The following C1QTNF9 variants were observed in gnomAD, a reference collection of about 807,000 sequenced individuals.
C1QTNF9 encodes the protein C1q and TNF related 9.
C1QTNF9 carries 6 observed loss-of-function variants against 10.1 expected under a neutral mutation model. The observed-to-expected ratio is 0.59, with a 90% confidence interval of 0.32 to 1.17. The LOEUF is 1.17. Among genes scored for constraint, C1QTNF9 ranks in the 50% most tolerant of loss-of-function variants. The probability of loss-of-function intolerance (pLI) is 0.04; values close to 1 mark genes in which losing one functional copy is unlikely to be tolerated. For synonymous variants in C1QTNF9, 98 were observed against 163.5 expected, an observed-to-expected ratio of 0.60 and a Z score of 3.06; for missense variants, 201 against 418.8, an observed-to-expected ratio of 0.48 and a Z score of 4.54.
upstream of C1QTNF9, among the ~76,000 whole-genome samples, chr13:24,308,337 G>C (rs9551091): frequency 0.3 from 46,259 of 152,176 alleles, 7,983 homozygotes; most frequent in Non-Finnish European, 0.38. Flanking sequence ...GCAGGGGTCA[G>C]AGACCAGCCA....
At chr13:24,315,155 C>T (rs1247686097) in intron 1 of C1QTNF9, among the ~76,000 whole-genome samples, 1 of 152,192 alleles carries the variant, frequency 6.6e-6, no homozygotes, top group Non-Finnish European at 1.5e-5. Context: ...ATCTCCAGAA[C>T]TCTTTTAAAA....
At chr13:24,311,342 A>AT (rs1278229166) in intron 1 of C1QTNF9, among the ~76,000 whole-genome samples, 1 of 152,248 alleles carries the variant, frequency 6.6e-6, no homozygotes, top group African/African-American at 2.4e-5. Context: ...TAAGAACACT[A>AT]TTTTGGGGGG....
At chr13:24,316,242 G>A (rs1485937287) in intron 2 of C1QTNF9, 73 bp downstream of exon 2, 2 of 1,525,332 alleles carry the variant, frequency 1.3e-6, no homozygotes, top group East Asian at 4.6e-5. Flanking sequence ...CTCATCATCT[G>A]TGTGATTTTC....
At chr13:24,317,413 T>C (rs1000204061) in intron 2 of C1QTNF9, among the ~76,000 whole-genome samples, 1 of 152,126 alleles carries the variant, frequency 6.6e-6, no homozygotes, top group Non-Finnish European at 1.5e-5. Flanking sequence ...ACCAAATTTC[T>C]CTACCTCTTC....
chr13:24,309,685 A>G (rs1029496486), intron 1 of C1QTNF9, 69 bp downstream of exon 1: 5 of 152,200 alleles, frequency 3.3e-5, no homozygotes, highest in Non-Finnish European at 5.9e-5. Context: ...CAACGCTTAT[A>G]TTATCTGTGG....
intron 1 of C1QTNF9, among the ~76,000 whole-genome samples, chr13:24,311,878 C>G (rs12428411): frequency 0.31 from 46,454 of 152,084 alleles, 8,087 homozygotes; most frequent in Non-Finnish European, 0.38. Flanking sequence ...GCACACCCCC[C>G]CACAGGAAGC....
At chr13:24,309,830 C>T (rs762985145) in intron 1 of C1QTNF9, among the ~76,000 whole-genome samples, 3 of 152,160 alleles carry the variant, frequency 2.0e-5, no homozygotes, top group Non-Finnish European at 2.9e-5. Context: ...TGAAATTCTT[C>T]TGCTGGAACT....
intron 2 of C1QTNF9, among the ~76,000 whole-genome samples, chr13:24,317,478 A>G (rs775647667): frequency 9.9e-5 from 15 of 152,034 alleles, no homozygotes; most frequent in Non-Finnish European, 2.1e-4. Context: ...CAAGTTTTAT[A>G]TACTTCTTAG....
At chr13:24,308,350 C>T (rs1877679614), upstream of C1QTNF9, among the ~76,000 whole-genome samples, 1 of 152,230 alleles carries the variant, frequency 6.6e-6, no homozygotes, top group African/African-American at 2.4e-5. Context: ...ACCAGCCACG[C>T]GAGCAAGAGG....
At chr13:24,317,148 T>C (rs530251281) in intron 2 of C1QTNF9, among the ~76,000 whole-genome samples, 1 of 152,244 alleles carries the variant, frequency 6.6e-6, no homozygotes, top group South Asian at 2.1e-4. Flanking sequence ...CTCCAGCTCA[T>C]TGACACTGTT....
chr13:24,307,659 G>C (rs527487406), upstream of C1QTNF9, among the ~76,000 whole-genome samples: 1 of 152,358 alleles, frequency 6.6e-6, no homozygotes, highest in African/African-American at 2.4e-5. Flanking sequence ...GGGGAAGGGC[G>C]GTCGCTAGGG....
intron 2 of C1QTNF9, among the ~76,000 whole-genome samples, chr13:24,316,667 G>A (rs1242776845): frequency 3.3e-5 from 5 of 152,198 alleles, no homozygotes. Flanking sequence ...AAAAGGAGAC[G>A]AGAATCTGAA....
chr13:24,307,615 A>G (rs1237033392), upstream of C1QTNF9, among the ~76,000 whole-genome samples: 2 of 152,184 alleles, frequency 1.3e-5, no homozygotes, highest in Non-Finnish European at 2.9e-5. Flanking sequence ...CTGCTTCCCA[A>G]AGTGATCTGC....
intron 1 of C1QTNF9, among the ~76,000 whole-genome samples, chr13:24,311,860 C>T (rs1238750455): frequency 1.3e-5 from 2 of 152,178 alleles, no homozygotes; most frequent in Admixed American, 6.5e-5. Context: ...CATGGTTCAC[C>T]ATGCCATGCA....
At chr13:24,320,494 C>G (rs1267704201) in intron 3 of C1QTNF9, among the ~76,000 whole-genome samples, 1 of 152,170 alleles carries the variant, frequency 6.6e-6, no homozygotes, top group East Asian at 1.9e-4. Flanking sequence ...AAGCCATCCT[C>G]CCACCTCAGC....
At chr13:24,321,666 G>A (rs1284146889) in exon 4 of C1QTNF9, 3 of 1,614,180 alleles carry the variant, frequency 1.9e-6, no homozygotes, top group South Asian at 1.1e-5. Context: ...TCGGGGATGA[G>A]GTGTGGCTGC....
At chr13:24,309,446 TC>T (rs1877730766), upstream of C1QTNF9, 3 of 152,136 alleles carry the variant, frequency 2.0e-5, no homozygotes, top group African/African-American at 7.2e-5. Flanking sequence ...TTGCTGTAAT[TC>T]TTGAAGCTCT....
intron 3 of C1QTNF9, among the ~76,000 whole-genome samples, chr13:24,319,593 T>C (rs1195482784): frequency 1.3e-5 from 2 of 151,986 alleles, no homozygotes; most frequent in Non-Finnish European, 2.9e-5. Context: ...CAAAAAAACA[T>C]GTAAACCATA....
chr13:24,315,826 C>T, intron 1 of C1QTNF9, 156 bp from the exon 2 acceptor site: 1 of 709,686 alleles, frequency 1.4e-6, no homozygotes, highest in Non-Finnish European at 2.3e-6. Flanking sequence ...TTATAATCAG[C>T]TTGCTCCCCT....
Sources: allele counts gnomAD v4.1 joint callset (sites outside exome capture counted in the v4.1 genomes callset), GRCh38; gene constraint gnomAD v4.1.1; transcripts MANE v1.5; gene names NCBI Gene and HGNC (gene_info 2026-07-23, HGNC 2026-07-21).